PTPRQ: variants seen among roughly 807,000 people sequenced by gnomAD.
PTPRQ encodes phosphatidylinositol phosphatase PTPRQ.
PTPRQ carries 199 observed loss-of-function variants against 246.0 expected under a neutral mutation model. The ratio of observed to expected loss-of-function variants is 0.81; its 90% CI spans 0.72 to 0.91. The LOEUF (loss-of-function observed/expected upper bound fraction) is 0.91. PTPRQ is among the 40% of genes least tolerant of loss of function. The pLI is 0.00. For missense variants in PTPRQ, 2,624 were observed against 2,528.4 expected, an observed-to-expected ratio of 1.04 and a Z score of -0.81; for synonymous variants, 869 against 853.2, an observed-to-expected ratio of 1.02 and a Z score of -0.32.
intron 24 of PTPRQ, chr12:80,547,078 T>TATA (rs1181141268): frequency 2.5e-5 from 4 of 161,984 alleles, no homozygotes; most frequent in African/African-American, 9.6e-5. Flanking sequence ...AAACAATATC[T>TATA]ATAATTTTCT....
chr12:80,677,497 TA>T (rs1298357477), intron 43 of PTPRQ, among the ~76,000 whole-genome samples: 2 of 152,188 alleles, frequency 1.3e-5, no homozygotes, highest in African/African-American at 2.4e-5. Context: ...CTGTGAGAAT[TA>T]AATGAGACTA....
chr12:80,589,925 A>G lies in PTPRQ; in HGVS notation c.4609+1473A>G, dbSNP rs1897737083. ...ACTTGGCCCTTTTCTCTTCTTTATCAGCACACAACCCCAAGGAGATTTTAC... is the reference window on the plus strand; with the variant it reads ...ACTTGGCCCTTTTCTCTTCTTTATCGGCACACAACCCCAAGGAGATTTTAC... On this transcript the variant is annotated intron_variant, in intron 26 of 44. Coordinates refer to ENST00000644991, the MANE Select transcript of PTPRQ (RefSeq NM_001145026.2). Among the ~76,000 whole-genome samples the G allele has an allele frequency of 2.0e-5, 3 of 152,264 alleles. No individual in the cohort carries two copies. The South Asian group carries it at 6.2e-4, about 32-fold the overall frequency.
chr12:80,653,742 T>C (rs1370348350), intron 38 of PTPRQ, among the ~76,000 whole-genome samples: 1 of 152,150 alleles, frequency 6.6e-6, no homozygotes, highest in Non-Finnish European at 1.5e-5. Flanking sequence ...AGGACATGCA[T>C]AGGAAGAAAC....
intron 14 of PTPRQ, among the ~76,000 whole-genome samples, chr12:80,497,576 A>G (rs1333912841): frequency 6.6e-6 from 1 of 151,944 alleles, no homozygotes; most frequent in Non-Finnish European, 1.5e-5. Flanking sequence ...GGGTTGGGAG[A>G]GGATATCCCA....
intron 17 of PTPRQ, among the ~76,000 whole-genome samples, chr12:80,521,189 C>A (rs887244643): frequency 2.6e-4 from 39 of 152,154 alleles, no homozygotes; most frequent in Admixed American, 7.9e-4. Context: ...ATATCCTTTG[C>A]CCACGTTTTG....
At chr12:80,451,235 C>A (rs1298354071) in intron 3 of PTPRQ, among the ~76,000 whole-genome samples, 2 of 149,368 alleles carry the variant, frequency 1.3e-5, no homozygotes, top group African/African-American at 5.0e-5. Context: ...TCCCCTTTAT[C>A]ATTTTTTATT....
Position 80,619,435 on chromosome 12 carries a change from A to G in PTPRQ, c.5282A>G (p.Lys1761Arg). ...KPTPIYDATG[K>R]LLVTSTTITI... is the part of the protein sequence containing the mutation. Reference sequence around the variant, plus strand: ...ACCCCTATTTATGATGCCACAGGAAAACTGCTTGTGACTTCAACAACAATT... The same window carrying G: ...ACCCCTATTTATGATGCCACAGGAAGACTGCTTGTGACTTCAACAACAATT... The change falls in exon 31 of 45, where the codon AAA becomes AGA. Residue 1761 changes from lysine (K) to arginine (R), a missense_variant. Physicochemically the swap from Lys to Arg is conservative, Grantham distance 26. Coordinates refer to ENST00000644991, the MANE Select transcript of PTPRQ (RefSeq NM_001145026.2). The G allele has an allele frequency of 1.3e-6, 2 of 1,548,348 alleles. No homozygotes were observed. The highest frequency in any genetic ancestry group is 8.7e-7 in the Non-Finnish European group (1 of 1,144,860).
chr12:80,471,645 T>A (rs1429529978), intron 7 of PTPRQ, among the ~76,000 whole-genome samples: 1 of 143,248 alleles, frequency 7.0e-6, no homozygotes, highest in Non-Finnish European at 1.5e-5. Context: ...GCCCGGCTAA[T>A]TTTTTGTATT....
intron 26 of PTPRQ, among the ~76,000 whole-genome samples, chr12:80,592,859 A>C (rs1897846209): frequency 6.6e-6 from 1 of 151,916 alleles, no homozygotes; most frequent in African/African-American, 2.4e-5. Context: ...AAAATACAAA[A>C]AATTATCCGA....
chr12:80,472,320 A>G, intron 8 of PTPRQ, 69 bp downstream of exon 8: 1 of 1,517,026 alleles, frequency 6.6e-7, no homozygotes, highest in Non-Finnish European at 8.8e-7. Flanking sequence ...GTAAAACATG[A>G]TATTAGAAGC....
At position 80,506,164 on chromosome 12, in the gene PTPRQ, G is replaced by T; in HGVS notation, c.2413G>T (p.Glu805Ter). 1.3e-6 allele frequency: 2 copies of T among 1,526,066 alleles called. No individual in the cohort carries two copies. Among genetic ancestry groups the T allele is most frequent in the Non-Finnish European group, 1.8e-6 (2 of 1,137,630 alleles). 94.5% of individuals were successfully genotyped at this position (1,526,066 alleles called of 1,614,324 possible). A position where few individuals can be genotyped will look rare whatever the true frequency, so the allele number is the denominator to read the frequency against. The stretch of plus-strand genomic sequence containing the variant: ...TCTCAAGAGAAGTAATGGAAATGAG[G>T]AAAGAACTATAAATACAACCTCTTT... ...IYLKRSNGNE[E>*]RTINTTSLTQ... is the part of the protein sequence containing the mutation. The change falls in exon 15 of 45, where the codon GAA (glutamate) becomes TAA (stop). Residue 805 changes from glutamate (E) to a stop codon, truncating the protein, a stop_gained. Transcript: ENST00000644991. LOFTEE classifies it high-confidence loss of function.
intron 35 of PTPRQ, among the ~76,000 whole-genome samples, chr12:80,645,076 A>T (rs1013596497): frequency 5.3e-5 from 8 of 152,112 alleles, no homozygotes; most frequent in African/African-American, 1.7e-4. Flanking sequence ...ATAAATGTGA[A>T]GAACAGATTC....
chr12:80,480,270 A>T (rs1893990399), intron 8 of PTPRQ, among the ~76,000 whole-genome samples: 1 of 152,202 alleles, frequency 6.6e-6, no homozygotes, highest in East Asian at 1.9e-4. Context: ...CTCCTGAATG[A>T]CTACTGGGTA....
intron 17 of PTPRQ, among the ~76,000 whole-genome samples, chr12:80,515,743 T>TC (rs1895275227): frequency 1.8e-4 from 1 of 5,410 alleles, no homozygotes; most frequent in African/African-American, 6.9e-4. Flanking sequence ...TGAATATTTC[T>TC]TTTTTTTTTT....
At chr12:80,619,273 A>T in intron 30 of PTPRQ, 111 bp from the exon 31 acceptor site, 1 of 1,229,890 alleles carries the variant, frequency 8.1e-7, no homozygotes. Flanking sequence ...TTTGTTATTT[A>T]TGTTTGTCAT....
chr12:80,459,555 T>C (rs1465698124), intron 5 of PTPRQ, 72 bp downstream of exon 5: 1 of 397,398 alleles, frequency 2.5e-6, no homozygotes, highest in Non-Finnish European at 4.4e-6. Flanking sequence ...TTCTAGCATC[T>C]AGATACTATA....
intron 9 of PTPRQ, among the ~76,000 whole-genome samples, chr12:80,486,873 C>T (rs961473395): frequency 1.3e-5 from 2 of 152,108 alleles, no homozygotes; most frequent in Non-Finnish European, 1.5e-5. Context: ...ATCCCTCTGT[C>T]CCCCCACTTT....
chr12:80,626,549 A>G (rs1899207576), intron 33 of PTPRQ, among the ~76,000 whole-genome samples: 1 of 152,178 alleles, frequency 6.6e-6, no homozygotes, highest in South Asian at 2.1e-4. Flanking sequence ...CCTCCTATTT[A>G]CATAGCGCCA....
chr12:80,598,320 A>G (rs1898036188), intron 26 of PTPRQ, among the ~76,000 whole-genome samples: 1 of 152,010 alleles, frequency 6.6e-6, no homozygotes, highest in Non-Finnish European at 1.5e-5. Flanking sequence ...TTGGTCAGCG[A>G]AATCACTGGG....
Sources: gnomAD v4.1 joint callset for allele counts (sites outside exome capture counted in the v4.1 genomes callset) on GRCh38, gnomAD v4.1.1 for gene constraint, MANE v1.5 for transcripts, NCBI Gene and HGNC (gene_info 2026-07-23, HGNC 2026-07-21) for gene names.